The following CDH12 variants were observed in gnomAD, a reference collection of about 807,000 sequenced individuals.
The protein encoded by CDH12 is cadherin-12.
In CDH12, 41 loss-of-function variants were observed where a neutral mutation model predicts 74.1. The observed-to-expected ratio is 0.55, with a 90% confidence interval of 0.43 to 0.72. The LOEUF is 0.72. Among genes scored for constraint, CDH12 ranks in the 30% least tolerant of loss-of-function variants. The pLI is 0.00. For missense variants in CDH12, 945 were observed against 977.2 expected (o/e 0.97, Z 0.44); for synonymous variants, 399 against 355.0 (o/e 1.12, Z -1.39).
chr5:21,946,770 G>T (rs1187312611), intron 6 of CDH12, among the ~76,000 whole-genome samples: 2 of 152,174 alleles, frequency 1.3e-5, no homozygotes, highest in Admixed American at 1.3e-4. Context: ...TCACCTGTTT[G>T]TGGCAATGAT....
chr5:22,592,954 C>T (rs1736420177), intron 1 of CDH12, among the ~76,000 whole-genome samples: 1 of 147,984 alleles, frequency 6.8e-6, no homozygotes, highest in South Asian at 2.1e-4. Flanking sequence ...CGCTGGAACC[C>T]AGGAGGCGGA....
At chr5:21,802,717 G>T (rs1292573268) in intron 9 of CDH12, among the ~76,000 whole-genome samples, 2 of 149,694 alleles carry the variant, frequency 1.3e-5, no homozygotes, top group Non-Finnish European at 3.0e-5. Flanking sequence ...TCAGCTTCCG[G>T]AGGATCTGGG....
At chr5:22,234,461 T>C (rs535662283) in intron 3 of CDH12, among the ~76,000 whole-genome samples, 1 of 152,300 alleles carries the variant, frequency 6.6e-6, no homozygotes, top group African/African-American at 2.4e-5. Context: ...ACTGCTGCCA[T>C]GTCAAAAGTG....
intron 4 of CDH12, among the ~76,000 whole-genome samples, chr5:22,114,958 A>C (rs767713054): frequency 6.6e-6 from 1 of 152,220 alleles, no homozygotes; most frequent in Non-Finnish European, 1.5e-5. Flanking sequence ...TTACTTGTTC[A>C]TTGCAGCAAC....
intron 1 of CDH12, among the ~76,000 whole-genome samples, chr5:22,846,703 G>A (rs183323794): frequency 6.6e-6 from 1 of 152,240 alleles, no homozygotes; most frequent in African/African-American, 2.4e-5. Context: ...CTGTGCTTTT[G>A]TGATGTTTTG....
chr5:22,740,486 C>G (rs1027920762), intron 1 of CDH12, among the ~76,000 whole-genome samples: 1 of 151,446 alleles, frequency 6.6e-6, no homozygotes, highest in African/African-American at 2.4e-5. Context: ...GCTTATGATT[C>G]CCACTATATC....
At chr5:21,793,317 G>A (rs2149910604) in intron 10 of CDH12, among the ~76,000 whole-genome samples, 1 of 151,606 alleles carries the variant, frequency 6.6e-6, no homozygotes, top group Admixed American at 6.6e-5. Flanking sequence ...TCATTATACA[G>A]GGAGTTTTTT....
Position 22,607,673 on chromosome 5 carries a change from C to T in CDH12, c.-522-102309G>A, listed in dbSNP as rs563830246. Among the ~76,000 whole-genome samples, 21 of 152,288 alleles carry T rather than the reference C, an allele frequency of 1.4e-4. No individual in the cohort carries two copies. In the East Asian group the frequency reaches 2.5e-3, roughly 18 times the overall value. Reference sequence around the variant, plus strand: ...GACACAGCTAACCATATCACAGGCCCGGAGGCCTAGGAGGGAAAAATGGTT... The same window carrying T: ...GACACAGCTAACCATATCACAGGCCTGGAGGCCTAGGAGGGAAAAATGGTT... On this transcript the variant is annotated intron_variant, in intron 1 of 14. Transcript: ENST00000382254.
intron 1 of CDH12, among the ~76,000 whole-genome samples, chr5:22,830,581 C>T (rs1736555476): frequency 6.6e-6 from 1 of 151,584 alleles, no homozygotes; most frequent in East Asian, 1.9e-4. Context: ...ACGTGCTCTC[C>T]TTTTTATATA....
At chr5:22,812,107 T>G (rs1749177451) in intron 1 of CDH12, among the ~76,000 whole-genome samples, 1 of 152,100 alleles carries the variant, frequency 6.6e-6, no homozygotes, top group South Asian at 2.1e-4. Flanking sequence ...TGAGCTTAAC[T>G]GTGGAACTGG....
chr5:22,460,284 C>T (rs1048339623), intron 2 of CDH12, among the ~76,000 whole-genome samples: 68 of 152,044 alleles, frequency 4.5e-4, no homozygotes, highest in African/African-American at 1.6e-3. Context: ...ACATTACAGT[C>T]CCAGACTTAT....
chr5:21,801,779 T>C (rs1376151691), intron 10 of CDH12, among the ~76,000 whole-genome samples: 1 of 152,184 alleles, frequency 6.6e-6, no homozygotes, highest in African/African-American at 2.4e-5. Context: ...TTTAGAGTAA[T>C]TATAAAATGT....
At chr5:21,848,876 A>G (rs1328491521) in intron 7 of CDH12, among the ~76,000 whole-genome samples, 2 of 151,810 alleles carry the variant, frequency 1.3e-5, no homozygotes, top group Non-Finnish European at 2.9e-5. Flanking sequence ...TGAAGACCTG[A>G]TGAGCTCCCC....
intron 5 of CDH12, among the ~76,000 whole-genome samples, chr5:22,015,681 C>T (rs1195045259): frequency 6.6e-6 from 1 of 152,098 alleles, no homozygotes; most frequent in Non-Finnish European, 1.5e-5. Context: ...ATGTCCATGG[C>T]TTTATAGAGT....
chr5:22,716,570 T>C (rs1333166974), intron 1 of CDH12, among the ~76,000 whole-genome samples: 1 of 151,306 alleles, frequency 6.6e-6, no homozygotes, highest in Non-Finnish European at 1.5e-5. Flanking sequence ...TTTTAGTGTG[T>C]GCTCCTTAAG....
chr5:21,868,903 C>T (rs1027147766), intron 6 of CDH12, among the ~76,000 whole-genome samples: 4 of 152,056 alleles, frequency 2.6e-5, no homozygotes, highest in Non-Finnish European at 4.4e-5. Flanking sequence ...TTTTGAGGGC[C>T]AGGGTGGATT....
chr5:21,807,386 T>C (rs1747489635), intron 9 of CDH12, among the ~76,000 whole-genome samples: 1 of 152,074 alleles, frequency 6.6e-6, no homozygotes, highest in African/African-American at 2.4e-5. Context: ...TCAGATAAGC[T>C]CTTTACTGCA....
intron 6 of CDH12, among the ~76,000 whole-genome samples, chr5:21,905,374 T>A (rs2150058105): frequency 6.6e-6 from 1 of 152,350 alleles, no homozygotes; most frequent in Non-Finnish European, 1.5e-5. Flanking sequence ...GAACTTTTGA[T>A]TGGATGCTTG....
intron 1 of CDH12, among the ~76,000 whole-genome samples, chr5:22,809,098 A>C (rs1451345709): frequency 6.6e-6 from 1 of 151,976 alleles, no homozygotes; most frequent in African/African-American, 2.4e-5. Flanking sequence ...AAAAAAAAAA[A>C]CTGTGTAATA....
Sources: allele counts gnomAD v4.1 joint callset (sites outside exome capture counted in the v4.1 genomes callset), GRCh38; gene constraint gnomAD v4.1.1; transcripts MANE v1.5; gene names NCBI Gene and HGNC (gene_info 2026-07-23, HGNC 2026-07-21).